NARS2: variants seen among roughly 807,000 people sequenced by gnomAD.
NARS2 encodes the protein asparaginyl-tRNA synthetase 2, mitochondrial.
In NARS2, 60 loss-of-function variants were observed where a neutral mutation model predicts 62.9. The observed-to-expected ratio is 0.95, with a 90% CI of 0.77 to 1.18. NARS2 has a LOEUF of 1.18. Ranked by LOEUF, NARS2 falls within the 50% of genes most tolerant of loss-of-function variation. The pLI is 0.00. For missense variants in NARS2, 619 were observed against 576.4 expected, an observed-to-expected ratio of 1.07 and a Z score of -0.76; for synonymous variants, 196 against 200.0, an observed-to-expected ratio of 0.98 and a Z score of 0.17.
At chr11:78,511,372 C>G (rs916622245) in intron 6 of NARS2, among the ~76,000 whole-genome samples, 8 of 152,178 alleles carry the variant, frequency 5.3e-5, no homozygotes, top group African/African-American at 1.9e-4. Flanking sequence ...AGCCATGTCA[C>G]CCAGCCTAAT....
chr11:78,528,855 C>A lies in NARS2; in HGVS notation c.676G>T (p.Glu226Ter), dbSNP rs1275096292. ...AAAATTTCATACCCTGACATCACTT[C>A]TAGATGAAGTTGTCCTGAGACAGTT... ...FLTVSGQLHL[E>*]VMSGAFTQVF... The change falls in exon 6 of 14, where the codon GAA (glutamate) becomes TAA (stop). Residue 226 changes from glutamate to a stop codon, truncating the protein, a stop_gained. Coordinates refer to ENST00000281038, the MANE Select transcript of NARS2 (RefSeq NM_024678.6). LOFTEE classifies it high-confidence loss of function. The A allele has an allele frequency of 6.2e-7, 1 of 1,609,682 alleles. No individual in the cohort carries two copies. The highest frequency in any genetic ancestry group is 1.3e-5 in the African/African-American group (1 of 74,944).
At chr11:78,549,822 T>C (rs528391267) in intron 5 of NARS2, among the ~76,000 whole-genome samples, 3 of 151,684 alleles carry the variant, frequency 2.0e-5, no homozygotes, top group African/African-American at 7.3e-5. Context: ...TCCCCCTGAG[T>C]GGCAGCATCA....
chr11:78,559,393 T>C (rs1856481260), intron 5 of NARS2, 146 bp downstream of exon 5: 2 of 607,878 alleles, frequency 3.3e-6, no homozygotes, highest in Non-Finnish European at 5.9e-6. Context: ...GTTTGAATTG[T>C]CTATGTAAGT....
rs142408682 is a variant in NARS2, at chr11:78,459,819, C to T, written c.1164+6057G>A. On this transcript the variant is annotated intron_variant, in intron 11 of 13. Coordinates refer to ENST00000281038, the MANE Select transcript of NARS2 (RefSeq NM_024678.6). ...AGGAAAGTGTCATTAATTAAATAGT[C>T]ATGCACATAGATGTAAAATTACAAC... Among the ~76,000 whole-genome samples, 295 of 152,272 alleles carry T rather than the reference C, an allele frequency of 1.9e-3. 1 individual carries two copies. Among genetic ancestry groups the T allele is most frequent in the African/African-American group, 6.6e-3 (274 of 41,534 alleles).
At chr11:78,467,542 AAAATAAAT>A (rs148012478) in intron 10 of NARS2, among the ~76,000 whole-genome samples, 18 of 150,460 alleles carry the variant, frequency 1.2e-4, no homozygotes, top group East Asian at 1.2e-3. Flanking sequence ...TGTCTTTCAA[AAAATAAAT>A]AAATAAATAA....
At chr11:78,488,719 A>T (rs1859684044) in intron 7 of NARS2, among the ~76,000 whole-genome samples, 1 of 152,246 alleles carries the variant, frequency 6.6e-6, no homozygotes, top group Non-Finnish European at 1.5e-5. Flanking sequence ...ACATAGTAGT[A>T]AGACTGTTGT....
At chr11:78,509,883 GT>G (rs1052625312) in intron 6 of NARS2, among the ~76,000 whole-genome samples, 5 of 151,288 alleles carry the variant, frequency 3.3e-5, no homozygotes, top group Admixed American at 6.6e-5. Flanking sequence ...GTTTTTGTAT[GT>G]TACTGAAGTT....
chr11:78,518,603 C>G (rs570921294), intron 6 of NARS2, among the ~76,000 whole-genome samples: 12 of 152,068 alleles, frequency 7.9e-5, no homozygotes, highest in Non-Finnish European at 1.2e-4. Context: ...CTGCAAGCTC[C>G]GCCTCCTGGG....
intron 5 of NARS2, among the ~76,000 whole-genome samples, chr11:78,545,212 A>G (rs1855815971): frequency 1.3e-5 from 2 of 152,212 alleles, no homozygotes; most frequent in African/African-American, 2.4e-5. Context: ...ACATTTCATT[A>G]TACATATTAT....
chr11:78,478,342 G>A (rs1176609039), intron 9 of NARS2, 96 bp downstream of exon 9: 3 of 436,476 alleles, frequency 6.9e-6, no homozygotes, highest in Non-Finnish European at 1.1e-5. Flanking sequence ...ATATATATAG[G>A]ATCTATATAA....
At position 78,436,553 on chromosome 11, in the gene NARS2, A is replaced by G; in HGVS notation, c.*117T>C. On this transcript the variant is annotated 3_prime_UTR_variant, in exon 14 of 14. Transcript: ENST00000281038. ...TATTTTTTCTATGATATCTTATGGC[A>G]CAACAATTACATATTGAAATCTGCA... 8.5e-7 allele frequency: 1 copy of G among 1,183,034 alleles called. No homozygotes were observed. Among genetic ancestry groups the G allele is most frequent in the Non-Finnish European group, 1.2e-6 (1 of 840,222 alleles). The allele number at this position is 1,183,034 out of a possible 1,614,324, so 73.3% of individuals were successfully genotyped here.
chr11:78,536,651 A>T (rs1013634880), intron 5 of NARS2, among the ~76,000 whole-genome samples: 7 of 152,222 alleles, frequency 4.6e-5, no homozygotes, highest in South Asian at 2.1e-4. Flanking sequence ...AAAATATTTT[A>T]AAAAATTAAG....
chr11:78,528,466 A>G (rs1385497037), intron 6 of NARS2, among the ~76,000 whole-genome samples: 1 of 151,582 alleles, frequency 6.6e-6, no homozygotes, highest in Non-Finnish European at 1.5e-5. Flanking sequence ...CCAATTACTG[A>G]AAAAAAAATT....
intron 4 of NARS2, among the ~76,000 whole-genome samples, chr11:78,562,541 A>G (rs960199919): frequency 1.3e-5 from 2 of 152,254 alleles, no homozygotes; most frequent in Non-Finnish European, 2.9e-5. Context: ...ACTCACTGAG[A>G]AAGAAAGAGC....
At chr11:78,531,878 A>G (rs995062751) in intron 5 of NARS2, among the ~76,000 whole-genome samples, 3 of 152,118 alleles carry the variant, frequency 2.0e-5, no homozygotes, top group African/African-American at 7.2e-5. Context: ...TGTAGAGGGG[A>G]AAATGGGATG....
chr11:78,458,995 T>A (rs1858279839), intron 11 of NARS2, among the ~76,000 whole-genome samples: 1 of 148,770 alleles, frequency 6.7e-6, no homozygotes, highest in African/African-American at 2.4e-5. Flanking sequence ...CTCAGCTTAC[T>A]GCAACTCTGC....
At chr11:78,447,543 G>A (rs1857807087) in intron 11 of NARS2, among the ~76,000 whole-genome samples, 1 of 151,998 alleles carries the variant, frequency 6.6e-6, no homozygotes, top group Non-Finnish European at 1.5e-5. Context: ...GGTGATATCT[G>A]CACTCTAATG....
At chr11:78,535,981 A>G (rs78541900) in intron 5 of NARS2, among the ~76,000 whole-genome samples, 3,911 of 152,258 alleles carry the variant, frequency 0.026, 111 homozygotes, top group Admixed American at 0.072. Context: ...AATACATACA[A>G]TAACTATATT....
intron 11 of NARS2, among the ~76,000 whole-genome samples, chr11:78,461,809 C>T (rs533444180): frequency 9.5e-5 from 14 of 147,974 alleles, no homozygotes; most frequent in East Asian, 8.0e-4. Context: ...AAAAATTAGC[C>T]GGGTGTGGTG....
Sources: gnomAD v4.1 joint callset for allele counts (sites outside exome capture counted in the v4.1 genomes callset) on GRCh38, gnomAD v4.1.1 for gene constraint, MANE v1.5 for transcripts, NCBI Gene and HGNC (gene_info 2026-07-23, HGNC 2026-07-21) for gene names.